Variants in NRIP2 observed in about 807,000 individuals in gnomAD.
The protein encoded by NRIP2 is nuclear receptor-interacting protein 2.
NRIP2 carries 27 observed loss-of-function variants against 34.1 expected under a neutral mutation model. The observed-to-expected ratio is 0.79, with a 90% CI of 0.58 to 1.09. The LOEUF is 1.09. NRIP2 is among the 50% of genes least tolerant of loss of function. The probability of loss-of-function intolerance (pLI) is 0.00; values close to 1 mark genes in which losing one functional copy is unlikely to be tolerated. For synonymous variants in NRIP2, 145 were observed against 146.9 expected, an observed-to-expected ratio of 0.99 and a Z score of 0.09; for missense variants, 385 against 352.6, an observed-to-expected ratio of 1.09 and a Z score of -0.74.
intron 2 of NRIP2, among the ~76,000 whole-genome samples, chr12:2,829,766 C>T (rs1565428587): frequency 1.3e-5 from 2 of 150,760 alleles, no homozygotes; most frequent in Non-Finnish European, 2.9e-5. Context: ...GAATCTGTCT[C>T]TAAAAAATAA....
Position 2,828,058 on chromosome 12 carries a change from G to A in NRIP2, c.579-11C>T. The A allele has an allele frequency of 6.2e-7, 1 of 1,609,064 alleles. No homozygotes were observed. Among genetic ancestry groups the A allele is most frequent in the African/African-American group, 1.3e-5 (1 of 74,908 alleles). ...ACCCTTTTCTCTAACCTGTGGTTGG[G>A]AAGCAAGGGTTATGGCTACCACAGC... On this transcript the variant is annotated splice_polypyrimidine_tract_variant and intron_variant, in intron 3 of 5. Transcript: ENST00000337508.
In NRIP2 at chr12:2,833,608, C is replaced by T. The variant is rs901101562; in HGVS notation, c.342+1034G>A. On this transcript the variant is annotated intron_variant, in intron 1 of 5. Transcript: ENST00000337508. ...GTACAGGCCTGGTTGAGTACCTCTT[C>T]TCAGACTAGGAGAGGGGACAGGGAA... Among the ~76,000 whole-genome samples the T allele has an allele frequency of 5.9e-5, 9 of 152,102 alleles. 1 individual carries two copies. The highest frequency in any genetic ancestry group is 1.5e-5 in the Non-Finnish European group (1 of 68,020).
In NRIP2 at chr12:2,827,840, G is replaced by T. The variant is rs2097976377; in HGVS notation, c.700+86C>A. 16 of 1,607,300 alleles carry T rather than the reference G, an allele frequency of 1.0e-5. 1 individual carries two copies. The South Asian group carries it at 1.8e-4, about 18-fold the overall frequency. On this transcript the variant is annotated intron_variant, in intron 4 of 5. Transcript: ENST00000337508. This position sits in a 1 kb window ranked among gnomAD's most constrained non-coding sequence, Gnocchi z 4.0. Reference sequence around the variant, plus strand: ...AACATCTCTGGGAACTCCTCGTGCTGCAGGGAGTGAAAGTCTCAGCCTTTG... The same window carrying T: ...AACATCTCTGGGAACTCCTCGTGCTTCAGGGAGTGAAAGTCTCAGCCTTTG...
At chr12:2,829,111 G>A (rs549613308) in intron 2 of NRIP2, among the ~76,000 whole-genome samples, 40 of 152,162 alleles carry the variant, frequency 2.6e-4, no homozygotes, top group Middle Eastern at 3.2e-3. Context: ...TGCCAGAAAT[G>A]GAGAAACGGT....
Position 2,830,866 on chromosome 12 carries a change from T to A in NRIP2, c.343-6A>T. On this transcript the variant is annotated splice_region_variant and splice_polypyrimidine_tract_variant and intron_variant, in intron 1 of 5. Coordinates refer to ENST00000337508, the MANE Select transcript of NRIP2 (RefSeq NM_031474.3). ...TGGATCACACTGCGCGGCTGCTGGC[T>A]CCATCACAAAACAATGAAGGTAGGC... 1 of 1,611,174 alleles carries A rather than the reference T, an allele frequency of 6.2e-7. No homozygotes were observed. The highest frequency in any genetic ancestry group is 8.5e-7 in the Non-Finnish European group (1 of 1,178,754).
At chr12:2,828,132 G>T in intron 3 of NRIP2, 85 bp from the exon 4 acceptor site, 1 of 1,346,750 alleles carries the variant, frequency 7.4e-7, no homozygotes, top group Non-Finnish European at 1.0e-6. Flanking sequence ...TCTCTACTAT[G>T]GTTTCATCTC....
At chr12:2,830,950 TC>T in intron 1 of NRIP2, 90 bp from the exon 2 acceptor site, 10 of 1,383,596 alleles carry the variant, frequency 7.2e-6, no homozygotes, top group East Asian at 4.8e-5. Flanking sequence ...CCCAGGATGC[TC>T]CCCCCACCCC....
rs547633276 is a variant in NRIP2, at chr12:2,834,628, G to A, written c.342+14C>T. 1.9e-4 allele frequency: 304 copies of A among 1,561,488 alleles called. 1 individual carries two copies. In the South Asian group the frequency reaches 3.5e-3, roughly 18 times the overall value. On this transcript the variant is annotated intron_variant, in intron 1 of 5. Coordinates refer to ENST00000337508, the MANE Select transcript of NRIP2 (RefSeq NM_031474.3). ...AGGCCAGGGGACGCTGGCAGGGGAG[G>A]GGTGATGCCTCACCAAGTCCTTGGA...
chr12:2,834,009 C>T (rs1346714493), intron 1 of NRIP2, among the ~76,000 whole-genome samples: 2 of 152,240 alleles, frequency 1.3e-5, no homozygotes, highest in East Asian at 1.9e-4. Flanking sequence ...CGCCCACTCA[C>T]ATCCTCACTG....
intron 2 of NRIP2, 28 bp downstream of exon 2, chr12:2,830,680 G>A: frequency 6.3e-7 from 1 of 1,591,460 alleles, no homozygotes; most frequent in South Asian, 1.1e-5. Context: ...GGTTGTTAAT[G>A]AAAGTGTGTC....
At chr12:2,829,233 G>A (rs2097987119) in intron 2 of NRIP2, among the ~76,000 whole-genome samples, 1 of 152,160 alleles carries the variant, frequency 6.6e-6, no homozygotes, top group African/African-American at 2.4e-5. Context: ...AGGAAACTCA[G>A]ATATGAGTAA....
At chr12:2,828,183 C>A (rs2097979287) in intron 3 of NRIP2, 136 bp from the exon 4 acceptor site, 1 of 1,148,390 alleles carries the variant, frequency 8.7e-7, no homozygotes, top group African/African-American at 1.5e-5. Flanking sequence ...CTTGCCTTCT[C>A]TGCCAGAGTC....
Position 2,830,607 on chromosome 12 carries a change from C to T in NRIP2, c.495+101G>A, listed in dbSNP as rs1272380276. 8.1e-6 allele frequency: 10 copies of T among 1,228,550 alleles called. No individual in the cohort carries two copies. The East Asian group carries it at 2.4e-4, about 30-fold the overall frequency. The allele number at this position is 1,228,550 out of a possible 1,614,324, so 76.1% of individuals were successfully genotyped here. ...GGCTAGGGAGAGAGGTGCCCTTTCT[C>T]CCTCCCTCCCTCTCCCATCAGGGCA... On this transcript the variant is annotated intron_variant, in intron 2 of 5. Coordinates refer to ENST00000337508, the MANE Select transcript of NRIP2 (RefSeq NM_031474.3).
intron 2 of NRIP2, chr12:2,830,438 A>T: frequency 4.3e-5 from 16 of 368,078 alleles, no homozygotes; most frequent in South Asian, 2.2e-4. Context: ...TGTGTAGAGC[A>T]CACTGAGGAG....
chr12:2,828,246 T>C, intron 3 of NRIP2, 86 bp downstream of exon 3: 3 of 1,265,842 alleles, frequency 2.4e-6, no homozygotes, highest in Non-Finnish European at 3.4e-6. Flanking sequence ...AATATGCAAC[T>C]GTCGTCACTA....
intron 1 of NRIP2, among the ~76,000 whole-genome samples, chr12:2,832,537 A>AT (rs2098008801): frequency 1.3e-5 from 2 of 151,832 alleles, no homozygotes; most frequent in Admixed American, 6.6e-5. Flanking sequence ...TTCTGTGTAC[A>AT]TCCTATAATG....
Position 2,827,163 on chromosome 12 carries a change from T to G in NRIP2, c.*44A>C, listed in dbSNP as rs746023633. ...CCCCCGTTCCCCACACGCCTCTTCT[T>G]CTAAGGCAAGGTCTTTCCCTCTGGG... On this transcript the variant is annotated 3_prime_UTR_variant, in exon 6 of 6. Coordinates refer to ENST00000337508, the MANE Select transcript of NRIP2 (RefSeq NM_031474.3). The surrounding 1 kb of genome is among the most constrained non-coding windows in gnomAD (Gnocchi z 4.0). 1.2e-6 allele frequency: 2 copies of G among 1,613,246 alleles called. No homozygotes were observed. The highest frequency in any genetic ancestry group is 2.2e-5 in the South Asian group (2 of 91,006).
intron 1 of NRIP2, 90 bp from the exon 2 acceptor site, chr12:2,830,950 T>TCCCCCCCCCC (rs544510879): frequency 7.2e-7 from 1 of 1,383,864 alleles, no homozygotes; most frequent in African/African-American, 1.5e-5. Flanking sequence ...CCCAGGATGC[T>TCCCCCCCCCC]CCCCCCACCC....
chr12:2,834,847 G>C lies in NRIP2; in HGVS notation c.137C>G (p.Pro46Arg), dbSNP rs141705563. ...TPPPSSPWPT[P>R]PAGAMSTKQE... ...CTTGGTGCTCATGGCCCCTGCTGGA[G>C]GAGTGGGCCAGGGGCTGCTCGGTGG... The change falls in exon 1 of 6, where the codon CCT becomes CGT. Residue 46 changes from proline to arginine, a missense_variant. Pro to Arg is a moderately radical substitution (Grantham distance 103, BLOSUM62 -2). Transcript: ENST00000337508. The C allele has an allele frequency of 1.1e-5, 17 of 1,613,784 alleles. No homozygotes were observed. The African/African-American group carries it at 1.9e-4, about 18-fold the overall frequency.
Sources: allele counts gnomAD v4.1 joint callset (sites outside exome capture counted in the v4.1 genomes callset), GRCh38; gene constraint gnomAD v4.1.1; non-coding constraint Gnocchi (gnomAD v3.1); transcripts MANE v1.5; gene names NCBI Gene and HGNC (gene_info 2026-07-23, HGNC 2026-07-21).